CLVS2: variants seen among roughly 807,000 people sequenced by gnomAD.
CLVS2 encodes clavesin-2.
A neutral mutation model predicts 29.0 loss-of-function variants in CLVS2; 19 were observed. The observed-to-expected ratio is 0.66, with a 90% CI of 0.46 to 0.96. The LOEUF (loss-of-function observed/expected upper bound fraction) is 0.96, where lower values mean the gene tolerates loss of function less well. Among genes scored for constraint, CLVS2 ranks in the 40% least tolerant of loss-of-function variants. The pLI, the probability that CLVS2 is intolerant of heterozygous loss-of-function variation, is 0.00. For synonymous variants in CLVS2, 161 were observed against 151.3 expected (o/e 1.06, Z -0.47); for missense variants, 294 against 404.1 (o/e 0.73, Z 2.34).
At chr6:123,057,060 A>G (rs1772702578) in intron 5 of CLVS2, among the ~76,000 whole-genome samples, 1 of 152,176 alleles carries the variant, frequency 6.6e-6, no homozygotes, top group South Asian at 2.1e-4. Context: ...GTCACAAACA[A>G]GTAGATGTGT....
intron 4 of CLVS2, among the ~76,000 whole-genome samples, chr6:123,049,565 C>G (rs554206428): frequency 9.2e-5 from 14 of 152,214 alleles, no homozygotes; most frequent in Admixed American, 5.2e-4. Context: ...TATACAAACC[C>G]AAATATTTCA....
At position 123,065,387 on chromosome 6, in the gene CLVS2, G is replaced by A. The variant is rs1424233521; in HGVS notation, c.*1626G>A. On this transcript the variant is annotated 3_prime_UTR_variant, in exon 6 of 6. Transcript: ENST00000275162. The stretch of plus-strand genomic sequence containing the variant: ...TTTTGGCCAAAAGCTCCCAAAATTT[G>A]TTATAATTCTGCAGCCAAAAATTGT... 6.6e-6 allele frequency: 1 copy of A among 151,782 alleles called. No individual in the cohort carries two copies. Among genetic ancestry groups the A allele is most frequent in the Non-Finnish European group, 1.5e-5 (1 of 67,788 alleles). The allele number at this position is 151,782 out of a possible 1,614,324, so 9.4% of individuals were successfully genotyped here.
intron 4 of CLVS2, among the ~76,000 whole-genome samples, chr6:123,051,146 C>T (rs535725357): frequency 3.5e-4 from 53 of 152,230 alleles, no homozygotes; most frequent in African/African-American, 1.1e-3. Flanking sequence ...CCTTATGCTT[C>T]GGATGCTATA....
At position 123,068,739 on chromosome 6, in the gene CLVS2, A is replaced by T. The variant is rs1411297896; in HGVS notation, c.*4978A>T. 6.6e-6 allele frequency: 1 copy of T among 151,752 alleles called. No individual in the cohort carries two copies. The highest frequency in any genetic ancestry group is 1.5e-5 in the Non-Finnish European group (1 of 67,746). The allele number at this position is 151,752 out of a possible 1,614,324, so 9.4% of individuals were successfully genotyped here. A position where few individuals can be genotyped will look rare whatever the true frequency, so the allele number is the denominator to read the frequency against. ...AAATGTTATTAATTTTTACTACTACAAACTACTTATTTAGTACTACACGGC... is the reference window on the plus strand; with the variant it reads ...AAATGTTATTAATTTTTACTACTACTAACTACTTATTTAGTACTACACGGC... On this transcript the variant is annotated 3_prime_UTR_variant, in exon 6 of 6. Transcript: ENST00000275162.
chr6:123,049,756 A>T (rs1050418909), intron 4 of CLVS2, among the ~76,000 whole-genome samples: 1 of 148,026 alleles, frequency 6.8e-6, no homozygotes, highest in African/African-American at 2.5e-5. Flanking sequence ...CAATAAGAAC[A>T]CATGGACACA....
chr6:123,040,312 G>A (rs1040296142), intron 3 of CLVS2, among the ~76,000 whole-genome samples: 3 of 152,082 alleles, frequency 2.0e-5, no homozygotes, highest in Admixed American at 1.3e-4. Context: ...CTGGGTATAT[G>A]GCTGAAACTG....
intron 3 of CLVS2, among the ~76,000 whole-genome samples, chr6:123,023,136 A>G (rs1774948458): frequency 1.3e-5 from 2 of 152,114 alleles, no homozygotes; most frequent in Admixed American, 1.3e-4. Context: ...TTTAGGAACC[A>G]TCAGAGGAAG....
chr6:122,999,670 T>A (rs1774561745), intron 2 of CLVS2, among the ~76,000 whole-genome samples: 2 of 152,114 alleles, frequency 1.3e-5, no homozygotes, highest in Non-Finnish European at 2.9e-5. Context: ...AACTGAAAAA[T>A]TTTATTCAAG....
chr6:123,014,011 A>G (rs914050793), intron 3 of CLVS2, among the ~76,000 whole-genome samples: 1 of 152,136 alleles, frequency 6.6e-6, no homozygotes, highest in African/African-American at 2.4e-5. Flanking sequence ...TTATGGCTGC[A>G]TAGTATTCCA....
intron 3 of CLVS2, among the ~76,000 whole-genome samples, chr6:123,041,151 T>A (rs997194418): frequency 2.6e-5 from 4 of 152,012 alleles, no homozygotes; most frequent in African/African-American, 4.8e-5. Context: ...CCTCTACAGG[T>A]TGCATAAAGA....
Position 123,063,949 on chromosome 6 carries a change from TC to T in CLVS2, c.*189del. Reference sequence around the variant, plus strand: ...GGCCCTGGGCTGGATTTTTAAAATGTCAATAATTTATTCTGTAAGTGCCAAG... The same window carrying T: ...GGCCCTGGGCTGGATTTTTAAAATGTAATAATTTATTCTGTAAGTGCCAAG... On this transcript the variant is annotated 3_prime_UTR_variant, in exon 6 of 6. Coordinates refer to ENST00000275162, the MANE Select transcript of CLVS2 (RefSeq NM_001010852.4). The T allele has an allele frequency of 2.2e-6, 1 of 448,280 alleles. No individual in the cohort carries two copies. Among genetic ancestry groups the T allele is most frequent in the Non-Finnish European group, 4.0e-6 (1 of 251,022 alleles). The allele number at this position is 448,280 out of a possible 1,614,324, so 27.8% of individuals were successfully genotyped here. A position where few individuals can be genotyped will look rare whatever the true frequency, so the allele number is the denominator to read the frequency against.
In CLVS2 at chr6:123,064,866, A is replaced by G. The variant is rs1772830247; in HGVS notation, c.*1105A>G. On this transcript the variant is annotated 3_prime_UTR_variant, in exon 6 of 6. Coordinates refer to ENST00000275162, the MANE Select transcript of CLVS2 (RefSeq NM_001010852.4). Reference sequence around the variant, plus strand: ...AACTGACTTTCAGTGTACCTATTTAAAGGAATTCCAAGTTAATTTATAATG... The same window carrying G: ...AACTGACTTTCAGTGTACCTATTTAGAGGAATTCCAAGTTAATTTATAATG... The G allele has an allele frequency of 1.3e-5, 2 of 151,886 alleles. No individual in the cohort carries two copies. The highest frequency in any genetic ancestry group is 2.4e-5 in the African/African-American group (1 of 41,418). The allele number at this position is 151,886 out of a possible 1,614,324, so 9.4% of individuals were successfully genotyped here. A position where few individuals can be genotyped will look rare whatever the true frequency, so the allele number is the denominator to read the frequency against.
intron 3 of CLVS2, among the ~76,000 whole-genome samples, chr6:123,031,329 A>C (rs1295287485): frequency 6.6e-6 from 1 of 152,070 alleles, no homozygotes; most frequent in African/African-American, 2.4e-5. Flanking sequence ...AGCAAATGTC[A>C]GTTCTAACTC....
At chr6:123,034,795 A>G (rs1056800526) in intron 3 of CLVS2, among the ~76,000 whole-genome samples, 3 of 152,134 alleles carry the variant, frequency 2.0e-5, no homozygotes, top group Non-Finnish European at 4.4e-5. Flanking sequence ...TTTAGTCGTT[A>G]TTCTAGTAAT....
At chr6:123,036,104 A>C (rs975202100) in intron 3 of CLVS2, among the ~76,000 whole-genome samples, 4 of 152,176 alleles carry the variant, frequency 2.6e-5, no homozygotes, top group Admixed American at 2.0e-4. Context: ...GAAGCATTGA[A>C]TGCACAATAA....
In CLVS2 at chr6:122,997,718, G is replaced by C; in HGVS notation, c.-60G>C. Reference sequence around the variant, plus strand: ...TGGAGTCTGGTGGTGGCAAGGACCAGGTTTGCTTTGGGACAGTCAACAAGG... The same window carrying C: ...TGGAGTCTGGTGGTGGCAAGGACCACGTTTGCTTTGGGACAGTCAACAAGG... On this transcript the variant is annotated 5_prime_UTR_variant, in exon 2 of 6. Coordinates refer to ENST00000275162, the MANE Select transcript of CLVS2 (RefSeq NM_001010852.4). 2 of 1,560,324 alleles carry C rather than the reference G, an allele frequency of 1.3e-6. No homozygotes were observed. Among genetic ancestry groups the C allele is most frequent in the Non-Finnish European group, 1.7e-6 (2 of 1,147,854 alleles).
Position 123,071,932 on chromosome 6 carries a change from C to G in CLVS2, c.*8171C>G, listed in dbSNP as rs952083797. On this transcript the variant is annotated 3_prime_UTR_variant, in exon 6 of 6. Transcript: ENST00000275162. ...TCCAACTGGCTTTTCAGCTTGCTCCCTTCTCTTTTAATTTCAGCTATCATT... is the reference window on the plus strand; with the variant it reads ...TCCAACTGGCTTTTCAGCTTGCTCCGTTCTCTTTTAATTTCAGCTATCATT... 1 of 152,004 alleles carries G rather than the reference C, an allele frequency of 6.6e-6. No individual in the cohort carries two copies. Among genetic ancestry groups the G allele is most frequent in the Non-Finnish European group, 1.5e-5 (1 of 67,944 alleles). 9.4% of individuals were successfully genotyped at this position (152,004 alleles called of 1,614,324 possible).
chr6:123,033,641 A>C (rs1383320011), intron 3 of CLVS2, among the ~76,000 whole-genome samples: 2 of 152,076 alleles, frequency 1.3e-5, no homozygotes, highest in South Asian at 2.1e-4. Context: ...AATCTTTAGG[A>C]TCTATGGCTG....
intron 2 of CLVS2, 41 bp downstream of exon 2, chr6:122,998,207 C>T (rs1380873607): frequency 1.3e-6 from 2 of 1,570,484 alleles, no homozygotes; most frequent in Non-Finnish European, 1.7e-6. Flanking sequence ...TTTTACTCTC[C>T]CATTTTCCAG....
Sources: allele counts gnomAD v4.1 joint callset (sites outside exome capture counted in the v4.1 genomes callset), GRCh38; gene constraint gnomAD v4.1.1; transcripts MANE v1.5; gene names NCBI Gene and HGNC (gene_info 2026-07-23, HGNC 2026-07-21).